Variants in ZNF469 observed in about 807,000 individuals in gnomAD.
ZNF469 encodes zinc finger protein 469.
ZNF469 carries 1 observed loss-of-function variant against 1.0 expected under a neutral mutation model. The observed-to-expected ratio is 1.00, with a 90% CI of 0.35 to 4.73. ZNF469 has a LOEUF of 4.73. ZNF469 is among the 30% of genes most tolerant of loss of function. The pLI, the probability that ZNF469 is intolerant of heterozygous loss-of-function variation, is 0.16. For synonymous variants in ZNF469, 2,703 were observed against 2,363.4 expected (o/e 1.14, Z -4.17); for missense variants, 6,100 against 5,356.3 (o/e 1.14, Z -4.33).
chr16:88,411,907 G>A (rs991851012), intron 1 of ZNF469, among the ~76,000 whole-genome samples: 1 of 152,222 alleles, frequency 6.6e-6, no homozygotes, highest in Non-Finnish European at 1.5e-5. Flanking sequence ...GCCCCCACCA[G>A]CCTGCCCTGC....
chr16:88,386,726 C>T (rs2092537485), intron 1 of ZNF469, among the ~76,000 whole-genome samples: 1 of 152,214 alleles, frequency 6.6e-6, no homozygotes, highest in Non-Finnish European at 1.5e-5. Flanking sequence ...AGGTCCCAGG[C>T]CTCTCAACTG....
At chr16:88,232,626 C>T in the ZNF469 span, among the ~76,000 whole-genome samples, 6 of 152,336 alleles carry the variant, frequency 3.9e-5, no homozygotes, top group South Asian at 6.2e-4. Context: ...GCAGGCTGTC[C>T]GGGAGCTCTC....
At chr16:88,147,576 C>A in the ZNF469 span, among the ~76,000 whole-genome samples, 2 of 152,000 alleles carry the variant, frequency 1.3e-5, no homozygotes, top group Non-Finnish European at 2.9e-5. Flanking sequence ...CAGGGAGGGG[C>A]CTGTGAGTTG....
the ZNF469 span, among the ~76,000 whole-genome samples, chr16:88,189,961 G>C: frequency 6.6e-6 from 1 of 152,118 alleles, no homozygotes; most frequent in African/African-American, 2.4e-5. The surrounding 1 kb of genome is among the most constrained non-coding windows in gnomAD (Gnocchi z 4.3). Context: ...TAACCAACCA[G>C]GAGGCAACCA....
chr16:88,375,234 C>T, the ZNF469 span, among the ~76,000 whole-genome samples: 11 of 152,360 alleles, frequency 7.2e-5, no homozygotes, highest in South Asian at 2.3e-3. Flanking sequence ...CACCTCCATC[C>T]GGACTCAGGC....
chr16:88,194,105 G>A, the ZNF469 span, among the ~76,000 whole-genome samples: 1 of 152,148 alleles, frequency 6.6e-6, no homozygotes, highest in African/African-American at 2.4e-5. Context: ...CTGGTTACTT[G>A]GTTTATTCCC....
the ZNF469 span, among the ~76,000 whole-genome samples, chr16:88,202,073 C>A: frequency 8.7e-4 from 133 of 152,114 alleles, 1 homozygote; most frequent in Admixed American, 8.6e-3. Flanking sequence ...GCCATGTTTC[C>A]ACAGCCACCC....
At chr16:88,370,620 GC>G in the ZNF469 span, among the ~76,000 whole-genome samples, 2 of 152,140 alleles carry the variant, frequency 1.3e-5, no homozygotes, top group African/African-American at 2.4e-5. Context: ...TGTGTCCAGG[GC>G]CCACTCCTGA....
At chr16:88,141,419 A>T in the ZNF469 span, among the ~76,000 whole-genome samples, 4 of 143,608 alleles carry the variant, frequency 2.8e-5, no homozygotes, top group African/African-American at 1.1e-4. Context: ...TCAGCCTGGG[A>T]AAGAGGCCCT....
chr16:88,114,483 C>T, the ZNF469 span, among the ~76,000 whole-genome samples: 54 of 148,346 alleles, frequency 3.6e-4, no homozygotes, highest in African/African-American at 1.3e-3. Flanking sequence ...CGGGGGTCTC[C>T]GGGTTGGGGA....
chr16:88,309,612 G>A, the ZNF469 span, among the ~76,000 whole-genome samples: 1 of 144,258 alleles, frequency 6.9e-6, no homozygotes, highest in Non-Finnish European at 1.5e-5. Context: ...AGTGCCCTCT[G>A]AGGTCCCCTG....
At chr16:88,179,865 G>A in the ZNF469 span, among the ~76,000 whole-genome samples, 7,626 of 152,320 alleles carry the variant, frequency 0.05, 295 homozygotes, top group East Asian at 0.093. Context: ...ACAGTACCAA[G>A]TATGGGAGGG....
At chr16:88,361,118 A>C in the ZNF469 span, among the ~76,000 whole-genome samples, 1 of 152,212 alleles carries the variant, frequency 6.6e-6, no homozygotes, top group Non-Finnish European at 1.5e-5. Flanking sequence ...ATCATCAGGC[A>C]TTAGATTCTC....
At chr16:88,231,745 G>A in the ZNF469 span, among the ~76,000 whole-genome samples, 2 of 152,178 alleles carry the variant, frequency 1.3e-5, no homozygotes, top group African/African-American at 4.8e-5. The surrounding 1 kb of genome is among the most constrained non-coding windows in gnomAD (Gnocchi z 4.5). Flanking sequence ...GGATGACACT[G>A]AGCCACCGGG....
chr16:88,109,976 A>T, the ZNF469 span, among the ~76,000 whole-genome samples: 3 of 152,242 alleles, frequency 2.0e-5, no homozygotes, highest in African/African-American at 7.2e-5. Flanking sequence ...CTAGGTGGCC[A>T]TCTGTGTGGG....
the ZNF469 span, among the ~76,000 whole-genome samples, chr16:88,359,126 C>T: frequency 2.0e-5 from 3 of 152,242 alleles, no homozygotes; most frequent in African/African-American, 7.2e-5. Flanking sequence ...TACGCCCCCA[C>T]CAGCAGCACG....
chr16:88,366,510 T>C, the ZNF469 span, among the ~76,000 whole-genome samples: 120 of 117,976 alleles, frequency 1.0e-3, no homozygotes, highest in Middle Eastern at 0.013. Context: ...TCACCATCAC[T>C]ATCATCATTA....
rs55835036 is a variant in ZNF469, at chr16:88,422,905, C to T, written c.-191-1902C>T. ...ATGGATGGATGGATGGACGGACAGA[C>T]GGACGGATGGGTGGATGGGTGATGG... is the stretch of plus-strand genomic sequence containing the variant. On this transcript the variant is annotated intron_variant, in intron 1 of 2. Coordinates refer to ENST00000565624, the MANE Select transcript of ZNF469 (RefSeq NM_001367624.2). Among the ~76,000 whole-genome samples, 751 of 141,728 alleles carry T rather than the reference C, an allele frequency of 5.3e-3. 16 individuals are homozygous for T. The highest frequency in any genetic ancestry group is 0.019 in the African/African-American group (674 of 36,092). The allele number at this position is 141,728 out of a possible 152,430, so 93.0% of individuals were successfully genotyped here. A position where few individuals can be genotyped will look rare whatever the true frequency, so the allele number is the denominator to read the frequency against.
the ZNF469 span, among the ~76,000 whole-genome samples, chr16:88,329,811 C>T: frequency 6.6e-6 from 1 of 152,356 alleles, no homozygotes; most frequent in East Asian, 1.9e-4. Flanking sequence ...AAGCTGAAAC[C>T]TTTCCTGGGA....
Sources: allele counts gnomAD v4.1 joint callset (sites outside exome capture counted in the v4.1 genomes callset), GRCh38; gene constraint gnomAD v4.1.1; non-coding constraint Gnocchi (gnomAD v3.1); transcripts MANE v1.5; gene names NCBI Gene and HGNC (gene_info 2026-07-23, HGNC 2026-07-21).